ZNF391: variants seen among roughly 807,000 people sequenced by gnomAD.
The protein encoded by ZNF391 is zinc finger protein 391.
For missense variants in ZNF391, 375 were observed against 425.5 expected (o/e 0.88, Z 1.04); for synonymous variants, 126 against 142.1 (o/e 0.89, Z 0.80).
intron 1 of ZNF391, chr6:27,395,125 C>G (rs1037769694): frequency 6.6e-6 from 1 of 151,800 alleles, no homozygotes; most frequent in African/African-American, 2.4e-5. Flanking sequence ...TTGAGCAGTC[C>G]CCTAAAAATA....
chr6:27,384,818 G>C (rs1581526613), upstream of ZNF391, among the ~76,000 whole-genome samples: 1 of 152,196 alleles, frequency 6.6e-6, no homozygotes, highest in East Asian at 1.9e-4. Context: ...AGGAGTTCGA[G>C]ACCAGCCTGG....
At chr6:27,399,602 T>C (rs1283684804) in intron 2 of ZNF391, 52 bp downstream of exon 2, 1 of 152,238 alleles carries the variant, frequency 6.6e-6, no homozygotes, top group Non-Finnish European at 1.5e-5. Flanking sequence ...AGATGAGATC[T>C]AGTCCAAGCC....
At chr6:27,384,389 G>A (rs1159225142), upstream of ZNF391, among the ~76,000 whole-genome samples, 1 of 150,122 alleles carries the variant, frequency 6.7e-6, no homozygotes, top group African/African-American at 2.5e-5. Context: ...GCTTGAACCT[G>A]GGAAGTGAAG....
chr6:27,393,035 G>T (rs1253219640), intron 1 of ZNF391, among the ~76,000 whole-genome samples: 3 of 152,042 alleles, frequency 2.0e-5, no homozygotes, highest in Non-Finnish European at 4.4e-5. Flanking sequence ...ATTTTTTCTA[G>T]GTAGAAAGTT....
intron 1 of ZNF391, among the ~76,000 whole-genome samples, chr6:27,383,345 A>G (rs1160883727): frequency 6.6e-6 from 1 of 152,168 alleles, no homozygotes; most frequent in African/African-American, 2.4e-5. Flanking sequence ...TCCCAAATTA[A>G]TGTCAGATAT....
chr6:27,384,215 G>A (rs888721490), upstream of ZNF391, among the ~76,000 whole-genome samples: 1 of 152,120 alleles, frequency 6.6e-6, no homozygotes, highest in African/African-American at 2.4e-5. Context: ...TGTAATCCCA[G>A]CACTTTGGGA....
chr6:27,381,188 G>A (rs1000841722), intron 1 of ZNF391, among the ~76,000 whole-genome samples: 124 of 152,364 alleles, frequency 8.1e-4, no homozygotes, highest in African/African-American at 2.9e-3. Flanking sequence ...GGCATGGTGG[G>A]CTGCAGGTCC....
chr6:27,396,843 T>C (rs1039367354), intron 1 of ZNF391, among the ~76,000 whole-genome samples: 1 of 152,212 alleles, frequency 6.6e-6, no homozygotes, highest in East Asian at 1.9e-4. Context: ...CAGGTAATTA[T>C]TAACAACTTT....
chr6:27,394,340 G>A (rs909144156), intron 1 of ZNF391, among the ~76,000 whole-genome samples: 2 of 152,212 alleles, frequency 1.3e-5, no homozygotes, highest in African/African-American at 4.8e-5. Flanking sequence ...GGTTGCTCAG[G>A]CTCCAGCCAT....
At chr6:27,386,731 C>T (rs1021301345), upstream of ZNF391, among the ~76,000 whole-genome samples, 3 of 152,110 alleles carry the variant, frequency 2.0e-5, no homozygotes, top group African/African-American at 7.2e-5. Flanking sequence ...GTAGTATTTA[C>T]ACCATCTACA....
rs1467539277 is a variant in ZNF391, at chr6:27,401,087, T to G, written c.717T>G (p.His239Gln). 1.2e-6 allele frequency: 2 copies of G among 1,614,084 alleles called. No individual in the cohort carries two copies. Among genetic ancestry groups the G allele is most frequent in the Non-Finnish European group, 1.7e-6 (2 of 1,180,050 alleles). The change falls in exon 3 of 3, where the codon CAT (histidine) becomes CAG (glutamine). Residue 239 changes from histidine to glutamine, a missense_variant. By Grantham distance (24) the His-to-Gln change is conservative (BLOSUM62 0). Coordinates refer to ENST00000244576, the MANE Select transcript of ZNF391 (RefSeq NM_001076781.3). ...GTGACCGTTCAACCATAATTCAGCA[T>G]CAACGAATACACACTGGAGAGAATC... ...AFGDRSTIIQ[H>Q]QRIHTGENPY...
At chr6:27,378,895 C>T (rs1328060857) in intron 1 of ZNF391, among the ~76,000 whole-genome samples, 2 of 151,178 alleles carry the variant, frequency 1.3e-5, no homozygotes, top group Non-Finnish European at 2.9e-5. Context: ...TGCCACTGCA[C>T]TCTAGCCTGG....
At chr6:27,381,417 C>T (rs1251139069) in intron 1 of ZNF391, among the ~76,000 whole-genome samples, 2 of 152,230 alleles carry the variant, frequency 1.3e-5, no homozygotes, top group Non-Finnish European at 2.9e-5. Context: ...GCGCGCAGCC[C>T]CAGTTCCCGC....
Position 27,401,570 on chromosome 6 carries a change from G to A in ZNF391, c.*123G>A, listed in dbSNP as rs368129554. ...TTTCTTTTATTAGATACCTATACCC[G>A]TTTTAAGCTTTCATTCGTTCTTTCC... On this transcript the variant is annotated 3_prime_UTR_variant, in exon 3 of 3. Coordinates refer to ENST00000244576, the MANE Select transcript of ZNF391 (RefSeq NM_001076781.3). 393 of 656,854 alleles carry A rather than the reference G, an allele frequency of 6.0e-4. 2 individuals carry two copies. The South Asian group carries it at 0.01, about 17-fold the overall frequency. 40.7% of individuals were successfully genotyped at this position (656,854 alleles called of 1,614,324 possible).
In ZNF391 at chr6:27,388,806, G is replaced by GT. The variant is rs1294333578; in HGVS notation, c.-456dup. 9.4e-6 allele frequency: 4 copies of GT among 426,676 alleles called. No individual in the cohort carries two copies. The highest frequency in any genetic ancestry group is 1.8e-5 in the Non-Finnish European group (4 of 218,644). The allele number at this position is 426,676 out of a possible 1,614,324, so 26.4% of individuals were successfully genotyped here. On this transcript the variant is annotated 5_prime_UTR_variant, in exon 1 of 3. Coordinates refer to ENST00000244576, the MANE Select transcript of ZNF391 (RefSeq NM_001076781.3). ...TGGTCGTCCGCGTCAGGAGACTTAG[G>GT]TCCAGGCGACTGCCCAGACAATGAC...
chr6:27,376,215 A>G lies in ZNF391; in HGVS notation n.523+1078A>G, dbSNP rs1420132261. Among the ~76,000 whole-genome samples the G allele has an allele frequency of 6.6e-6, 1 of 152,212 alleles. No individual in the cohort carries two copies. The highest frequency in any genetic ancestry group is 1.5e-5 in the Non-Finnish European group (1 of 68,034). On this transcript the variant is annotated intron_variant and non_coding_transcript_variant, in intron 1 of 2. Transcript: ENST00000477999. The surrounding 1 kb of genome is among the most constrained non-coding windows in gnomAD (Gnocchi z 4.7). The stretch of plus-strand genomic sequence containing the variant: ...AAAAAAGATAATATTGTTTGCTGAA[A>G]TCATAAGATTGTCAAGAATTTTGCT...
chr6:27,381,300 G>A (rs12192560), intron 1 of ZNF391, among the ~76,000 whole-genome samples: 4 of 152,106 alleles, frequency 2.6e-5, no homozygotes, highest in African/African-American at 7.3e-5. Context: ...TTCCGCAGCC[G>A]CTGGCCCGGG....
chr6:27,391,221 T>TTTTG (rs59994175), intron 1 of ZNF391: 13 of 149,784 alleles, frequency 8.7e-5, no homozygotes, highest in Non-Finnish European at 1.5e-4. Flanking sequence ...TTTTTTTTTT[T>TTTTG]GAGACAGAGT....
At chr6:27,378,011 G>C (rs1388452439) in intron 1 of ZNF391, among the ~76,000 whole-genome samples, 2 of 152,164 alleles carry the variant, frequency 1.3e-5, no homozygotes, top group Non-Finnish European at 2.9e-5. Flanking sequence ...GGATCCTATA[G>C]ATTTACAAAC....
Sources: allele counts gnomAD v4.1 joint callset (sites outside exome capture counted in the v4.1 genomes callset), GRCh38; gene constraint gnomAD v4.1.1; non-coding constraint Gnocchi (gnomAD v3.1); transcripts MANE v1.5; gene names NCBI Gene and HGNC (gene_info 2026-07-23, HGNC 2026-07-21).